SLC24A3: variants seen among roughly 807,000 people sequenced by gnomAD.
SLC24A3 encodes the protein solute carrier family 24 member 3.
Under a neutral mutation model 75.8 loss-of-function variants are expected in SLC24A3, and 28 were observed. The ratio of observed to expected loss-of-function variants is 0.37; its 90% CI spans 0.27 to 0.51. The LOEUF is 0.51. Ranked by LOEUF, SLC24A3 falls within the 20% of genes least tolerant of loss-of-function variation. The pLI, the probability that SLC24A3 is intolerant of heterozygous loss-of-function variation, is 0.94. For synonymous variants in SLC24A3, 372 were observed against 334.1 expected (o/e 1.11, Z -1.24); for missense variants, 663 against 847.8 (o/e 0.78, Z 2.71).
At chr20:19,308,632 G>T (rs1382488307) in intron 2 of SLC24A3, among the ~76,000 whole-genome samples, 1 of 152,140 alleles carries the variant, frequency 6.6e-6, no homozygotes, top group Non-Finnish European at 1.5e-5. Flanking sequence ...TTTATTGAGC[G>T]ATTTTTTATT....
chr20:19,347,335 T>C (rs1241615814), intron 2 of SLC24A3, among the ~76,000 whole-genome samples: 1 of 152,174 alleles, frequency 6.6e-6, no homozygotes, highest in East Asian at 1.9e-4. Context: ...ACTCATAAAA[T>C]GTAGAACATC....
chr20:19,240,814 C>G lies in SLC24A3; in HGVS notation c.142+27830C>G, dbSNP rs933616952. On this transcript the variant is annotated intron_variant, in intron 1 of 16. Transcript: ENST00000328041. ...ACCACTTTTTGTAGACCCAGTCAGC[C>G]ACTCACTAGCCCCTGGCTGCCCCTC... 3.7e-4 allele frequency among the ~76,000 whole-genome samples: 56 copies of G among 152,296 alleles called. 1 individual carries two copies. Among genetic ancestry groups the G allele is most frequent in the Admixed American group, 3.7e-3 (56 of 15,312 alleles).
chr20:19,232,223 G>A (rs1482844486), intron 1 of SLC24A3, among the ~76,000 whole-genome samples: 3 of 152,160 alleles, frequency 2.0e-5, no homozygotes, highest in African/African-American at 4.8e-5. Flanking sequence ...TATTATTCAT[G>A]TAGGTAGTAA....
intron 2 of SLC24A3, among the ~76,000 whole-genome samples, chr20:19,396,729 G>A (rs1308554725): frequency 6.6e-6 from 1 of 152,172 alleles, no homozygotes; most frequent in East Asian, 1.9e-4. Flanking sequence ...GGTTTAAGCT[G>A]ATGGAGTATA....
chr20:19,261,484 T>C (rs1384686181), intron 1 of SLC24A3, among the ~76,000 whole-genome samples: 1 of 152,060 alleles, frequency 6.6e-6, no homozygotes, highest in Non-Finnish European at 1.5e-5. Flanking sequence ...GGACTACAGG[T>C]GTGCATCACC....
chr20:19,716,494 A>G (rs1399942973), intron 15 of SLC24A3, among the ~76,000 whole-genome samples: 1 of 151,780 alleles, frequency 6.6e-6, no homozygotes, highest in Non-Finnish European at 1.5e-5. Context: ...ACCATGTTGG[A>G]GAGCACAGAT....
intron 2 of SLC24A3, among the ~76,000 whole-genome samples, chr20:19,396,317 C>G (rs1208774384): frequency 6.6e-6 from 1 of 152,062 alleles, no homozygotes; most frequent in Non-Finnish European, 1.5e-5. Context: ...TTTCTAATAG[C>G]TACATTAAAT....
intron 2 of SLC24A3, among the ~76,000 whole-genome samples, chr20:19,285,811 G>C (rs760838274): frequency 1.3e-5 from 2 of 151,988 alleles, no homozygotes; most frequent in Non-Finnish European, 1.5e-5. Context: ...AATTAAGTTA[G>C]CTAAATGTAA....
chr20:19,519,646 A>G (rs1054354994), intron 3 of SLC24A3, among the ~76,000 whole-genome samples: 2 of 152,260 alleles, frequency 1.3e-5, no homozygotes, highest in South Asian at 2.1e-4. Context: ...CTATTATAAC[A>G]TTGAAACACT....
intron 2 of SLC24A3, among the ~76,000 whole-genome samples, chr20:19,440,127 A>G (rs1987273285): frequency 6.6e-6 from 1 of 152,256 alleles, no homozygotes; most frequent in Non-Finnish European, 1.5e-5. Context: ...ACATCGTTCT[A>G]GAATTTGCAT....
At chr20:19,704,543 G>A (rs990810913) in intron 15 of SLC24A3, among the ~76,000 whole-genome samples, 3 of 152,180 alleles carry the variant, frequency 2.0e-5, no homozygotes, top group Non-Finnish European at 4.4e-5. Flanking sequence ...GTACATACGT[G>A]AACAAATGCC....
intron 2 of SLC24A3, among the ~76,000 whole-genome samples, chr20:19,383,375 A>G (rs1199322181): frequency 6.6e-6 from 1 of 152,108 alleles, no homozygotes; most frequent in Non-Finnish European, 1.5e-5. Context: ...CTTCTATGGA[A>G]GTTAAGTTTT....
At position 19,443,229 on chromosome 20, in the gene SLC24A3, A is replaced by T. The variant is rs1040257699; in HGVS notation, c.272-72259A>T. Among the ~76,000 whole-genome samples, 4 of 152,272 alleles carry T rather than the reference A, an allele frequency of 2.6e-5. No homozygotes were observed. In the East Asian group the frequency reaches 5.8e-4, roughly 22 times the overall value. Reference sequence around the variant, plus strand: ...CATATCCACAAAATTACTTGCTATGATATTGATTTTAGATTGCATTGAACC... The same window carrying T: ...CATATCCACAAAATTACTTGCTATGTTATTGATTTTAGATTGCATTGAACC... On this transcript the variant is annotated intron_variant, in intron 2 of 16. Transcript: ENST00000328041.
At chr20:19,312,679 G>T (rs1379175762) in intron 2 of SLC24A3, among the ~76,000 whole-genome samples, 1 of 152,152 alleles carries the variant, frequency 6.6e-6, no homozygotes, top group African/African-American at 2.4e-5. Context: ...ATGTTTTATT[G>T]TTTTGTTTTG....
intron 15 of SLC24A3, among the ~76,000 whole-genome samples, chr20:19,701,115 A>G (rs577376588): frequency 6.6e-6 from 1 of 152,188 alleles, no homozygotes; most frequent in South Asian, 2.1e-4. Flanking sequence ...GAGGGCTGAC[A>G]TTGAGCCTTT....
At chr20:19,646,841 CTGTGTGTGTGCG>C (rs1255454050) in intron 6 of SLC24A3, among the ~76,000 whole-genome samples, 2 of 144,584 alleles carry the variant, frequency 1.4e-5, no homozygotes, top group East Asian at 2.1e-4. Flanking sequence ...TTACAAAACT[CTGTGTGTGTGCG>C]TGTGTGTGTG....
At chr20:19,314,259 C>CT (rs1453746047) in intron 2 of SLC24A3, among the ~76,000 whole-genome samples, 5 of 140,906 alleles carry the variant, frequency 3.5e-5, no homozygotes, top group East Asian at 2.0e-4. Context: ...TCCAAATCCT[C>CT]TTTTTTTGTT....
chr20:19,513,265 C>T (rs1385393633), intron 2 of SLC24A3, among the ~76,000 whole-genome samples: 2 of 152,174 alleles, frequency 1.3e-5, no homozygotes, highest in Non-Finnish European at 2.9e-5. Context: ...GTGTGAGGGG[C>T]GTCCCCAGCC....
rs1211736498 is a variant in SLC24A3, at chr20:19,212,807, CGCCGCCCGCCGAGGCCGCCGCCCG to C, written c.-27_-4del. 1 of 979,404 alleles carries C rather than the reference CGCCGCCCGCCGAGGCCGCCGCCCG, an allele frequency of 1.0e-6. No individual in the cohort carries two copies. The highest frequency in any genetic ancestry group is 1.2e-6 in the Non-Finnish European group (1 of 827,550). 60.7% of individuals were successfully genotyped at this position (979,404 alleles called of 1,614,324 possible). On this transcript the variant is annotated 5_prime_UTR_variant, in exon 1 of 17. Coordinates refer to ENST00000328041, the MANE Select transcript of SLC24A3 (RefSeq NM_020689.4). ...CGCGGCCGCCCGCGACAGGAGCGGCCGCCGCCCGCCGAGGCCGCCGCCCGGCCGCCCGAGGATGCGGCCGTCCGG... is the reference window on the plus strand; with the variant it reads ...CGCGGCCGCCCGCGACAGGAGCGGCCGCCGCCCGAGGATGCGGCCGTCCGG...
Sources: gnomAD v4.1 joint callset for allele counts (sites outside exome capture counted in the v4.1 genomes callset) on GRCh38, gnomAD v4.1.1 for gene constraint, MANE v1.5 for transcripts, NCBI Gene and HGNC (gene_info 2026-07-23, HGNC 2026-07-21) for gene names.